Variants in NEB observed in about 807,000 individuals in gnomAD.
NEB encodes nebulin.
Under a neutral mutation model 952.2 loss-of-function variants are expected in NEB, and 512 were observed. The ratio of observed to expected loss-of-function variants is 0.54; its 90% CI spans 0.50 to 0.58. The LOEUF is 0.58. Among genes scored for constraint, NEB ranks in the 20% least tolerant of loss-of-function variants. The probability of loss-of-function intolerance (pLI) is 0.00; values close to 1 mark genes in which losing one functional copy is unlikely to be tolerated. For synonymous variants in NEB, 2,900 were observed against 3,149.8 expected, an observed-to-expected ratio of 0.92 and a Z score of 2.66; for missense variants, 8,428 against 9,231.1, an observed-to-expected ratio of 0.91 and a Z score of 3.56.
At chr2:151,497,355 A>T (rs2060913891) in intron 171 of NEB, 1 of 982,922 alleles carries the variant, frequency 1.0e-6, no homozygotes, top group Non-Finnish European at 1.2e-6. Context: ...GTTAGAACTC[A>T]GTGGTGTTAT....
intron 12 of NEB, among the ~76,000 whole-genome samples, chr2:151,707,590 G>T (rs1279333512): frequency 6.6e-6 from 1 of 152,152 alleles, no homozygotes. Flanking sequence ...TTTAATTCCA[G>T]CTATGGCAGA....
rs2099602661 is a variant in NEB, at chr2:151,697,165, G to C, written c.1453C>G (p.Leu485Val). ...AGACTTACGTCTTTACACTGATCTA[G>C]TTTCTTAATTGCTTCATATTCTTGA... ...ITQEYEAIKKLDQCKDHTYKV... is the reference protein window; with the variant it reads ...ITQEYEAIKKVDQCKDHTYKV... Residue 485 changes from leucine to valine, a missense_variant, in exon 16 of 182, where the codon CTA becomes GTA. Coordinates refer to ENST00000397345, the MANE Select transcript of NEB (RefSeq NM_001164508.2). 2.5e-6 allele frequency: 4 copies of C among 1,613,256 alleles called. No homozygotes were observed. The highest frequency in any genetic ancestry group is 3.4e-6 in the Non-Finnish European group (4 of 1,179,650).
At chr2:151,531,629 T>A (rs1330587732) in intron 144 of NEB, among the ~76,000 whole-genome samples, 163 bp downstream of exon 144, 1 of 152,080 alleles carries the variant, frequency 6.6e-6, no homozygotes, top group Non-Finnish European at 1.5e-5. Flanking sequence ...AACAATTCTT[T>A]ATTGGGGAGG....
chr2:151,630,145 A>G (rs1384335243), intron 67 of NEB, among the ~76,000 whole-genome samples: 1 of 152,244 alleles, frequency 6.6e-6, no homozygotes, highest in Non-Finnish European at 1.5e-5. Flanking sequence ...ATAACAAAAT[A>G]TAGTTAACAA....
intron 34 of NEB, among the ~76,000 whole-genome samples, chr2:151,677,360 G>A: frequency 6.6e-6 from 1 of 152,048 alleles, no homozygotes; most frequent in Non-Finnish European, 1.5e-5. Flanking sequence ...AAAAGGAAAA[G>A]TTTTTAAAAA....
chr2:151,571,155 G>A (rs559513122), intron 107 of NEB, among the ~76,000 whole-genome samples: 4 of 152,210 alleles, frequency 2.6e-5, no homozygotes, highest in South Asian at 2.1e-4. Context: ...ACAGGCATGC[G>A]CCACCAGGCC....
chr2:151,636,037 T>C (rs1437982491), intron 64 of NEB, among the ~76,000 whole-genome samples, 190 bp downstream of exon 64: 1 of 152,254 alleles, frequency 6.6e-6, no homozygotes, highest in African/African-American at 2.4e-5. Context: ...CGCTGTGTCC[T>C]GTAGGTTACA....
At chr2:151,724,122 A>G (rs954588730) in intron 8 of NEB, 138 bp downstream of exon 8, 2 of 699,514 alleles carry the variant, frequency 2.9e-6, no homozygotes, top group African/African-American at 3.6e-5. Flanking sequence ...CTATCCCTGC[A>G]GTCTCACATG....
Position 151,617,397 on chromosome 2 carries a change from C to G in NEB, c.11148G>C (p.Met3716Ile), listed in dbSNP as rs149025191. Residue 3716 changes from methionine (M) to isoleucine (I), a missense_variant, in exon 75 of 182, where the codon ATG becomes ATC. Met to Ile is a conservative substitution (Grantham distance 10). Transcript: ENST00000397345. ...IHVMPDTPEIMLAKLNRINYS... is the reference protein window; with the variant it reads ...IHVMPDTPEIILAKLNRINYS... The stretch of plus-strand genomic sequence containing the variant: ...AGTTTATTCGGTTGAGTTTGGCTAA[C>G]ATGATTTCTGGTGTATCAGGCATGA... 0.016 allele frequency: 24,972 copies of G among 1,564,866 alleles called. 269 individuals carry two copies. The highest frequency in any genetic ancestry group is 0.017 in the Non-Finnish European group (19,820 of 1,152,644).
chr2:151,627,199 A>AGGAAAATAAG lies in NEB; in HGVS notation c.10149_10150insCTTATTTTCC (p.Tyr3384LeufsTer7). 1 of 1,613,834 alleles carries AGGAAAATAAG rather than the reference A, an allele frequency of 6.2e-7. No individual in the cohort carries two copies. The highest frequency in any genetic ancestry group is 8.5e-7 in the Non-Finnish European group (1 of 1,179,744). ...CTCAGCCACTGGAGATCAGATTTGTAAATGTTCTGGAGAGATTAAACACAA... is the reference window on the plus strand; with the variant it reads ...CTCAGCCACTGGAGATCAGATTTGTAGGAAAATAAGAATGTTCTGGAGAGATTAAACACAA... On this transcript the variant is annotated frameshift_variant, in exon 70 of 182. Transcript: ENST00000397345. LOFTEE classifies it high-confidence loss of function.
In NEB at chr2:151,610,740, C is replaced by G. The variant is rs1219455430; in HGVS notation, c.11910+22G>C. 6 of 1,596,462 alleles carry G rather than the reference C, an allele frequency of 3.8e-6. No individual in the cohort carries two copies. The African/African-American group carries it at 8.1e-5, about 21-fold the overall frequency. On this transcript the variant is annotated intron_variant, in intron 79 of 181. Transcript: ENST00000397345. ...CATTTTAATTAATCTTAGGTTTAAG[C>G]AACAATCAGGAAATCTCTTACTTGG...
chr2:151,553,598 G>A (rs1374010355), intron 126 of NEB, 96 bp from the exon 127 acceptor site: 1 of 955,114 alleles, frequency 1.0e-6, no homozygotes, highest in Non-Finnish European at 1.6e-6. Flanking sequence ...AGAAGGCTTT[G>A]TGGAATGAGG....
At chr2:151,514,792 G>A (rs997869542) in intron 158 of NEB, 26 bp downstream of exon 158, 3 of 1,448,352 alleles carry the variant, frequency 2.1e-6, no homozygotes, top group African/African-American at 2.8e-5. Flanking sequence ...GATTAAGAGG[G>A]AAAGAAAAGA....
chr2:151,696,592 G>A (rs553895313), intron 17 of NEB, 45 bp downstream of exon 17: 1 of 1,396,346 alleles, frequency 7.2e-7, no homozygotes, highest in South Asian at 1.2e-5. Context: ...GTTATGAAAT[G>A]TTATCCCTCA....
At position 151,725,057 on chromosome 2, in the gene NEB, T is replaced by C. The variant is rs2150771993; in HGVS notation, c.403-96A>G. On this transcript the variant is annotated intron_variant, in intron 6 of 181. Coordinates refer to ENST00000397345, the MANE Select transcript of NEB (RefSeq NM_001164508.2). ...AACCACAGAGCATTACCCCAATGAC[T>C]CTAGGTCTGCATCACAAAGCATAGT... 4 of 892,236 alleles carry C rather than the reference T, an allele frequency of 4.5e-6. No homozygotes were observed. The East Asian group carries it at 1.0e-4, about 22-fold the overall frequency. The allele number at this position is 892,236 out of a possible 1,614,324, so 55.3% of individuals were successfully genotyped here.
Position 151,671,023 on chromosome 2 carries a change from A to C in NEB, c.4506T>G (p.Asp1502Glu). ...ATCATTTTGAAAGGAAAGCACTCAC[A>C]TCACTTAGCTGCTTTGTGTTATGCT... ...LAQHNTKQLSDLNYKVEGEKL... is the reference protein window; with the variant it reads ...LAQHNTKQLSELNYKVEGEKL... The change falls in exon 38 of 182, where the codon GAT (aspartate) becomes GAG (glutamate). Residue 1502 changes from aspartate (D) to glutamate (E), a missense_variant and splice_region_variant. By Grantham distance (45) the Asp-to-Glu change is conservative. Around this residue, in one of 11 missense-constraint regions of NEB, gnomAD observed 2,851 missense variants for 2,791.5 expected, o/e 1.02. Coordinates refer to ENST00000397345, the MANE Select transcript of NEB (RefSeq NM_001164508.2). 2 of 1,613,046 alleles carry C rather than the reference A, an allele frequency of 1.2e-6. No individual in the cohort carries two copies. Among genetic ancestry groups the C allele is most frequent in the Non-Finnish European group, 1.7e-6 (2 of 1,178,968 alleles).
At position 151,519,089 on chromosome 2, in the gene NEB, A is replaced by G. The variant is rs746641192; in HGVS notation, c.22591-20T>C. 10 of 1,474,376 alleles carry G rather than the reference A, an allele frequency of 6.8e-6. 1 individual carries two copies. In the South Asian group the frequency reaches 1.0e-4, roughly 15 times the overall value. The allele number at this position is 1,474,376 out of a possible 1,614,324, so 91.3% of individuals were successfully genotyped here. ...TTTAACCTGTGTGTTATGGGGGAAG[A>G]AAGGAAATCACGTAAATAGGAAATG... On this transcript the variant is annotated intron_variant, in intron 154 of 181. Coordinates refer to ENST00000397345, the MANE Select transcript of NEB (RefSeq NM_001164508.2).
Position 151,696,665 on chromosome 2 carries a change from G to C in NEB, c.1541C>G (p.Ala514Gly), listed in dbSNP as rs1158635360. ...QVTDSPVLLQ[A>G]QVNSKQLSDL... ...ACTCAGTTGTTTGGAATTGACTTGG[G>C]CTTGTAGCAGAACAGGAGAGTCTGT... is the stretch of plus-strand genomic sequence containing the variant. Residue 514 changes from alanine (A) to glycine (G), a missense_variant, in exon 17 of 182, where the codon GCC (alanine) becomes GGC (glycine). Physicochemically the swap from Ala to Gly is moderately conservative, Grantham distance 60. Coordinates refer to ENST00000397345, the MANE Select transcript of NEB (RefSeq NM_001164508.2). 2.5e-6 allele frequency: 4 copies of C among 1,613,624 alleles called. No individual in the cohort carries two copies. Among genetic ancestry groups the C allele is most frequent in the African/African-American group, 2.7e-5 (2 of 74,912 alleles).
At chr2:151,514,968 C>A (rs1322375462) in intron 157 of NEB, 40 bp from the exon 158 acceptor site, 5 of 1,303,564 alleles carry the variant, frequency 3.8e-6, no homozygotes, top group Admixed American at 4.1e-5. Context: ...AAAAAAAAAT[C>A]TTTATTACAA....
Sources: allele counts gnomAD v4.1 joint callset (sites outside exome capture counted in the v4.1 genomes callset), GRCh38; gene constraint gnomAD v4.1.1; regional missense constraint gnomAD v4.1.1; transcripts MANE v1.5; gene names NCBI Gene and HGNC (gene_info 2026-07-23, HGNC 2026-07-21).